Variants in LNX1 observed in about 807,000 individuals in gnomAD.
LNX1 encodes the protein ligand of numb-protein X 1.
Under a neutral mutation model 68.4 loss-of-function variants are expected in LNX1, and 54 were observed. The observed-to-expected ratio is 0.79, with a 90% CI of 0.63 to 0.99. LNX1 has a LOEUF of 0.99. LNX1 is among the 50% of genes least tolerant of loss of function. LNX1 has a pLI of 0.00. For synonymous variants in LNX1, 336 were observed against 350.0 expected (o/e 0.96, Z 0.45); for missense variants, 906 against 926.4 (o/e 0.98, Z 0.29).
At chr4:53,478,267 G>C (rs1723691638) in intron 8 of LNX1, among the ~76,000 whole-genome samples, 1 of 152,000 alleles carries the variant, frequency 6.6e-6, no homozygotes, top group Non-Finnish European at 1.5e-5. Flanking sequence ...AGAATGAATG[G>C]AACTACATTA....
At chr4:53,542,026 G>T (rs1253039645) in intron 2 of LNX1, among the ~76,000 whole-genome samples, 1 of 152,166 alleles carries the variant, frequency 6.6e-6, no homozygotes, top group Non-Finnish European at 1.5e-5. Context: ...GAACAATGGT[G>T]CAGTAAAAAT....
At chr4:53,627,565 T>C (rs1412682724) in intron 1 of LNX1, among the ~76,000 whole-genome samples, 1 of 152,176 alleles carries the variant, frequency 6.6e-6, no homozygotes, top group African/African-American at 2.4e-5. Flanking sequence ...CCCCTAACTC[T>C]AATAAAGTGA....
intron 6 of LNX1, among the ~76,000 whole-genome samples, chr4:53,487,865 A>G (rs1015760901): frequency 3.3e-5 from 5 of 152,224 alleles, no homozygotes; most frequent in African/African-American, 1.2e-4. Flanking sequence ...AAGTATCTCA[A>G]AATGAGACAG....
intron 2 of LNX1, among the ~76,000 whole-genome samples, chr4:53,535,703 G>A (rs1728325198): frequency 6.6e-6 from 1 of 152,206 alleles, no homozygotes; most frequent in Non-Finnish European, 1.5e-5. Flanking sequence ...TGGCTCTATA[G>A]CCAGCGCCTT....
At chr4:53,546,281 C>A (rs1333934188) in intron 2 of LNX1, among the ~76,000 whole-genome samples, 1 of 152,210 alleles carries the variant, frequency 6.6e-6, no homozygotes, top group African/African-American at 2.4e-5. Context: ...ACCCAGGCTG[C>A]ACGTGTTCAA....
At chr4:53,647,128 T>C (rs1389070265) in intron 1 of LNX1, among the ~76,000 whole-genome samples, 1 of 152,234 alleles carries the variant, frequency 6.6e-6, no homozygotes, top group Non-Finnish European at 1.5e-5. Context: ...CTAATTCACA[T>C]GCAGCCTCAC....
intron 10 of LNX1, 30 bp from the exon 11 acceptor site, chr4:53,461,072 T>C (rs1721998241): frequency 1.3e-5 from 20 of 1,528,158 alleles, no homozygotes; most frequent in Non-Finnish European, 1.6e-5. Context: ...AAGATATGAT[T>C]AGTATTTTAA....
chr4:53,545,313 C>G (rs1729032520), intron 2 of LNX1, among the ~76,000 whole-genome samples: 2 of 152,140 alleles, frequency 1.3e-5, no homozygotes, highest in Non-Finnish European at 2.9e-5. Context: ...ATCTATAAAG[C>G]AATTACTTTT....
rs1217219243 is a variant in LNX1 at position 53,498,218 on chromosome 4, A to G, written c.978+423T>C. ...AGATGATTGTGATTAAATAAAATACAAAATGTTCTATTAATCTACTCTAAA... is the reference window on the plus strand; with the variant it reads ...AGATGATTGTGATTAAATAAAATACGAAATGTTCTATTAATCTACTCTAAA... On this transcript the variant is annotated intron_variant, in intron 5 of 10. Coordinates refer to ENST00000263925, the MANE Select transcript of LNX1 (RefSeq NM_001126328.3). Among the ~76,000 whole-genome samples, 3 of 152,196 alleles carry G rather than the reference A, an allele frequency of 2.0e-5. No homozygotes were observed. The East Asian group carries it at 5.8e-4, about 29-fold the overall frequency.
intron 2 of LNX1, among the ~76,000 whole-genome samples, chr4:53,616,049 C>T (rs148359117): frequency 2.1e-4 from 32 of 152,182 alleles, no homozygotes; most frequent in African/African-American, 6.7e-4. Flanking sequence ...TCCTCACCAC[C>T]CCCGTCCTTC....
At chr4:53,514,116 T>A (rs1215084234) in intron 2 of LNX1, among the ~76,000 whole-genome samples, 1 of 152,214 alleles carries the variant, frequency 6.6e-6, no homozygotes, top group African/African-American at 2.4e-5. Flanking sequence ...ACCACCTGAT[T>A]TAAACAGCGG....
intron 2 of LNX1, among the ~76,000 whole-genome samples, chr4:53,570,526 AG>A (rs1731072432): frequency 1.5e-5 from 1 of 64,832 alleles, no homozygotes; most frequent in Non-Finnish European, 2.8e-5. Flanking sequence ...GGGTGGGGGG[AG>A]GGGGGAGGGA....
chr4:53,572,529 G>A (rs771533789), intron 2 of LNX1, among the ~76,000 whole-genome samples: 2 of 152,130 alleles, frequency 1.3e-5, no homozygotes, highest in South Asian at 4.1e-4. Flanking sequence ...ATGACCTAAG[G>A]TATGTGACCT....
rs1214030369 is a variant in LNX1 at position 53,459,488 on chromosome 4, T to C, written c.*1419A>G. The C allele has an allele frequency of 6.2e-7, 1 of 1,612,184 alleles. No homozygotes were observed. Among genetic ancestry groups the C allele is most frequent in the Admixed American group, 1.7e-5 (1 of 59,924 alleles). ...CTTTTGTGTATATTAGTACCAGAAGTAGATACTATAAATCTTGTTATTTTT... is the reference window on the plus strand; with the variant it reads ...CTTTTGTGTATATTAGTACCAGAAGCAGATACTATAAATCTTGTTATTTTT... On this transcript the variant is annotated 3_prime_UTR_variant, in exon 11 of 11. Coordinates refer to ENST00000263925, the MANE Select transcript of LNX1 (RefSeq NM_001126328.3).
chr4:53,625,844 C>CGTGTGTGTGTGTGTGTGT (rs59366709), intron 1 of LNX1, among the ~76,000 whole-genome samples: 1 of 144,166 alleles, frequency 6.9e-6, no homozygotes, highest in Admixed American at 6.9e-5. Context: ...AATTCCACCC[C>CGTGTGTGTGTGTGTGTGT]GTGTGTGTGT....
At chr4:53,530,011 T>C (rs1488842340) in intron 2 of LNX1, among the ~76,000 whole-genome samples, 1 of 152,230 alleles carries the variant, frequency 6.6e-6, no homozygotes, top group African/African-American at 2.4e-5. Context: ...TTTCACACTT[T>C]CTACCATTTA....
At chr4:53,614,678 G>A (rs1284331731) in intron 2 of LNX1, among the ~76,000 whole-genome samples, 1 of 152,216 alleles carries the variant, frequency 6.6e-6, no homozygotes, top group East Asian at 1.9e-4. Context: ...GTAATAAGCA[G>A]CCAAGAATGC....
At chr4:53,562,982 G>A (rs533952205) in intron 2 of LNX1, among the ~76,000 whole-genome samples, 4 of 152,230 alleles carry the variant, frequency 2.6e-5, no homozygotes, top group South Asian at 4.1e-4. Flanking sequence ...AGGCCGAGAC[G>A]GATCACGAGG....
At chr4:53,554,989 C>A (rs1406033309) in intron 2 of LNX1, among the ~76,000 whole-genome samples, 2 of 152,106 alleles carry the variant, frequency 1.3e-5, no homozygotes, top group Non-Finnish European at 2.9e-5. Context: ...CACAAGAGTG[C>A]ATTGCTGTTA....
Sources: allele counts gnomAD v4.1 joint callset (sites outside exome capture counted in the v4.1 genomes callset), GRCh38; gene constraint gnomAD v4.1.1; transcripts MANE v1.5; gene names NCBI Gene and HGNC (gene_info 2026-07-23, HGNC 2026-07-21).